Variants in TNIK observed in about 807,000 individuals in gnomAD.
The protein encoded by TNIK is TRAF2 and NCK interacting kinase.
In TNIK, 49 loss-of-function variants were observed where a neutral mutation model predicts 191.3. The ratio of observed to expected loss-of-function variants is 0.26; its 90% CI spans 0.20 to 0.32. The LOEUF is 0.32. TNIK is among the 10% of genes least tolerant of loss of function. The probability of loss-of-function intolerance (pLI) is 1.00; values close to 1 mark genes in which losing one functional copy is unlikely to be tolerated. For missense variants in TNIK, 1,155 were observed against 1,702.3 expected (o/e 0.68, Z 5.66); for synonymous variants, 594 against 600.9 (o/e 0.99, Z 0.17).
intron 1 of TNIK, among the ~76,000 whole-genome samples, chr3:171,388,722 C>G (rs1216948026): frequency 2.0e-5 from 3 of 152,190 alleles, no homozygotes; most frequent in Non-Finnish European, 1.5e-5. Context: ...GAGTAAGCAT[C>G]GTGTACACAA....
In TNIK at chr3:171,307,095, T is replaced by C. The variant is rs776668292; in HGVS notation, c.123+62525A>G. 3.8e-4 allele frequency among the ~76,000 whole-genome samples: 58 copies of C among 152,298 alleles called. No individual in the cohort carries two copies. The Middle Eastern group carries it at 0.01, about 27-fold the overall frequency. On this transcript the variant is annotated intron_variant, in intron 2 of 32. Coordinates refer to ENST00000436636, the MANE Select transcript of TNIK (RefSeq NM_015028.4). ...AAAAAGGTAGCTAGTCTAAAAACAC[T>C]CAGCCCTAATACCAAATCGTCCTTC...
chr3:171,293,727 GATA>G (rs1463328581), intron 2 of TNIK, among the ~76,000 whole-genome samples: 1 of 151,946 alleles, frequency 6.6e-6, no homozygotes, highest in Non-Finnish European at 1.5e-5. Context: ...TTTTATTTGT[GATA>G]ATGACATAAA....
At chr3:171,070,447 T>TGA (rs542262596) in intron 29 of TNIK, among the ~76,000 whole-genome samples, 13 of 150,748 alleles carry the variant, frequency 8.6e-5, no homozygotes, top group South Asian at 4.2e-4. Context: ...AGACATAAGC[T>TGA]GAGAGAGAGA....
intron 10 of TNIK, among the ~76,000 whole-genome samples, chr3:171,163,569 T>G (rs1274870342): frequency 6.6e-6 from 1 of 152,182 alleles, no homozygotes; most frequent in East Asian, 1.9e-4. Flanking sequence ...CTACTTATTT[T>G]TAAAATATTA....
chr3:171,168,280 C>T (rs1734855608), intron 9 of TNIK, among the ~76,000 whole-genome samples: 1 of 152,172 alleles, frequency 6.6e-6, no homozygotes, highest in Non-Finnish European at 1.5e-5. Context: ...TGATGAAACT[C>T]GGGTCACCCT....
At chr3:171,405,110 T>C (rs573936989) in intron 1 of TNIK, among the ~76,000 whole-genome samples, 2 of 152,104 alleles carry the variant, frequency 1.3e-5, no homozygotes, top group South Asian at 2.1e-4. Context: ...GATGAGGAAA[T>C]GTAGGCAGAG....
intron 2 of TNIK, among the ~76,000 whole-genome samples, chr3:171,326,794 T>C (rs1055572403): frequency 2.0e-5 from 3 of 152,218 alleles, no homozygotes; most frequent in Admixed American, 6.5e-5. Flanking sequence ...ATTTATTTGT[T>C]CACATTGAGT....
chr3:171,125,037 T>C (rs1728282144), intron 17 of TNIK, among the ~76,000 whole-genome samples: 1 of 152,212 alleles, frequency 6.6e-6, no homozygotes, highest in Admixed American at 6.5e-5. Flanking sequence ...TAATATCCTT[T>C]TAAGAGGAAG....
intron 2 of TNIK, among the ~76,000 whole-genome samples, chr3:171,326,558 T>C (rs1253709470): frequency 6.6e-6 from 1 of 152,238 alleles, no homozygotes; most frequent in Non-Finnish European, 1.5e-5. Flanking sequence ...AACATTGGTA[T>C]GCATCAGAAT....
At chr3:171,338,429 T>C (rs990659000) in intron 2 of TNIK, among the ~76,000 whole-genome samples, 1 of 152,208 alleles carries the variant, frequency 6.6e-6, no homozygotes, top group South Asian at 2.1e-4. Flanking sequence ...ACATTACTTT[T>C]ATTAGCTAAA....
chr3:171,142,754 C>T (rs1028521375), intron 12 of TNIK, among the ~76,000 whole-genome samples: 3 of 152,210 alleles, frequency 2.0e-5, no homozygotes, highest in African/African-American at 7.2e-5. Context: ...ATTTCCAATA[C>T]TCAACCAAAG....
intron 2 of TNIK, among the ~76,000 whole-genome samples, chr3:171,284,373 G>A (rs1750793090): frequency 6.6e-6 from 1 of 152,084 alleles, no homozygotes; most frequent in African/African-American, 2.4e-5. Context: ...CCTCTCACAT[G>A]CAGCATTTTA....
chr3:171,096,920 GTAAT>G (rs762135617), intron 22 of TNIK, among the ~76,000 whole-genome samples: 3 of 152,172 alleles, frequency 2.0e-5, no homozygotes, highest in Non-Finnish European at 2.9e-5. Flanking sequence ...GAATTGATAA[GTAAT>G]TGGCTATCAG....
At chr3:171,372,799 A>G (rs566193561) in intron 1 of TNIK, among the ~76,000 whole-genome samples, 3 of 152,300 alleles carry the variant, frequency 2.0e-5, no homozygotes, top group East Asian at 3.9e-4. Context: ...GTGACATACC[A>G]CAACATACAC....
At chr3:171,175,094 C>G (rs1008721197) in intron 9 of TNIK, among the ~76,000 whole-genome samples, 158 bp downstream of exon 9, 3 of 152,182 alleles carry the variant, frequency 2.0e-5, no homozygotes, top group Non-Finnish European at 2.9e-5. Context: ...TCAATATATA[C>G]TTTAAGATGA....
At chr3:171,439,810 G>A (rs1726535138) in intron 1 of TNIK, among the ~76,000 whole-genome samples, 1 of 152,142 alleles carries the variant, frequency 6.6e-6, no homozygotes, top group African/African-American at 2.4e-5. Flanking sequence ...CCTAACCAAG[G>A]CCAGCATGTG....
intron 1 of TNIK, among the ~76,000 whole-genome samples, chr3:171,435,669 A>T (rs1286647557): frequency 6.6e-6 from 1 of 152,220 alleles, no homozygotes; most frequent in Non-Finnish European, 1.5e-5. Context: ...CCTTTGGTCT[A>T]CTAATATGTT....
chr3:171,437,448 G>A (rs1396324547), intron 1 of TNIK, among the ~76,000 whole-genome samples: 1 of 152,186 alleles, frequency 6.6e-6, no homozygotes, highest in African/African-American at 2.4e-5. Flanking sequence ...AAAATGAAAC[G>A]AAGAAACACA....
rs547618278 is a variant in TNIK, at chr3:171,063,813, G to A, written c.*68C>T. On this transcript the variant is annotated 3_prime_UTR_variant, in exon 33 of 33. Transcript: ENST00000436636. ...TGATTCTGCCTCTAGACTGGCATAAGTCCACATGAGTTATGTTCTTTTAAA... is the reference window on the plus strand; with the variant it reads ...TGATTCTGCCTCTAGACTGGCATAAATCCACATGAGTTATGTTCTTTTAAA... The A allele has an allele frequency of 3.3e-6, 5 of 1,523,538 alleles. No homozygotes were observed. In the African/African-American group the frequency reaches 6.9e-5, roughly 21 times the overall value. The allele number at this position is 1,523,538 out of a possible 1,614,324, so 94.4% of individuals were successfully genotyped here.
Sources: gnomAD v4.1 joint callset for allele counts (sites outside exome capture counted in the v4.1 genomes callset) on GRCh38, gnomAD v4.1.1 for gene constraint, MANE v1.5 for transcripts, NCBI Gene and HGNC (gene_info 2026-07-23, HGNC 2026-07-21) for gene names.